The following GALNT15 variants were observed in gnomAD, a reference collection of about 807,000 sequenced individuals.
The protein encoded by GALNT15 is UDP-GalNAc transferase T15.
In GALNT15, 67 loss-of-function variants were observed where a neutral mutation model predicts 66.8. The observed-to-expected ratio is 1.00, with a 90% CI of 0.82 to 1.23. The LOEUF (loss-of-function observed/expected upper bound fraction) is 1.23, where lower values mean the gene tolerates loss of function less well. Among genes scored for constraint, GALNT15 ranks in the 50% most tolerant of loss-of-function variants. The pLI is 0.00. For missense variants in GALNT15, 827 were observed against 804.3 expected (o/e 1.03, Z -0.34); for synonymous variants, 313 against 311.5 (o/e 1.00, Z -0.05).
At position 16,184,374 on chromosome 3, in the gene GALNT15, G is replaced by C. The variant is rs1047219272; in HGVS notation, c.539+8684G>C. On this transcript the variant is annotated intron_variant, in intron 1 of 9. Transcript: ENST00000339732. The surrounding 1 kb of genome is among the most constrained non-coding windows in gnomAD (Gnocchi z 5.0). The stretch of plus-strand genomic sequence containing the variant: ...GCCTTTGCCATGCTCTGCCTCATTG[G>C]TTGGCTCAGCAATGCTATGAATGTC... Among the ~76,000 whole-genome samples the C allele has an allele frequency of 2.6e-5, 4 of 152,166 alleles. No individual in the cohort carries two copies. Among genetic ancestry groups the C allele is most frequent in the African/African-American group, 9.7e-5 (4 of 41,426 alleles).
At chr3:16,178,575 C>G (rs530364736) in intron 1 of GALNT15, among the ~76,000 whole-genome samples, 48 of 152,280 alleles carry the variant, frequency 3.2e-4, no homozygotes, top group African/African-American at 1.0e-3. Flanking sequence ...TGCAGACTCC[C>G]CTCTCCAGTC....
Position 16,176,206 on chromosome 3 carries a change from A to G in GALNT15, c.539+516A>G, listed in dbSNP as rs868761646. ...AGTTTACATTTAGGGGGCTCTTCCC[A>G]TGCGTCTGGATTTACTTTACAAGCT... On this transcript the variant is annotated intron_variant, in intron 1 of 9. Coordinates refer to ENST00000339732, the MANE Select transcript of GALNT15 (RefSeq NM_054110.5). This position sits in a 1 kb window ranked among gnomAD's most constrained non-coding sequence, Gnocchi z 5.6. Among the ~76,000 whole-genome samples, 16 of 152,308 alleles carry G rather than the reference A, an allele frequency of 1.1e-4. No individual in the cohort carries two copies. The South Asian group carries it at 2.1e-3, about 20-fold the overall frequency.
chr3:16,177,049 T>C (rs2063418138), intron 1 of GALNT15, among the ~76,000 whole-genome samples: 1 of 152,202 alleles, frequency 6.6e-6, no homozygotes, highest in African/African-American at 2.4e-5. Context: ...ACCCTGGAGT[T>C]TTAACTCACA....
At chr3:16,196,240 C>T (rs763428775) in intron 2 of GALNT15, among the ~76,000 whole-genome samples, 1 of 152,096 alleles carries the variant, frequency 6.6e-6, no homozygotes, top group Non-Finnish European at 1.5e-5. Flanking sequence ...GTCCAACAAT[C>T]CTCTCTCCAA....
At chr3:16,235,476 A>G (rs542364091), downstream of GALNT15, among the ~76,000 whole-genome samples, 37 of 152,252 alleles carry the variant, frequency 2.4e-4, no homozygotes, top group Non-Finnish European at 4.7e-4. Flanking sequence ...AGTGAAGTGC[A>G]TGATTGCTCT....
At chr3:16,243,514 G>A in the GALNT15 span, among the ~76,000 whole-genome samples, 1 of 152,232 alleles carries the variant, frequency 6.6e-6, no homozygotes, top group Non-Finnish European at 1.5e-5. Flanking sequence ...CCACCCGCCA[G>A]CACCACCAGG....
the GALNT15 span, among the ~76,000 whole-genome samples, chr3:16,247,264 T>C: frequency 6.6e-6 from 1 of 152,264 alleles, no homozygotes; most frequent in Non-Finnish European, 1.5e-5. Flanking sequence ...CAATTTAGAC[T>C]GTGTGCCTAA....
downstream of GALNT15, chr3:16,232,085 A>C: frequency 1.2e-6 from 1 of 859,742 alleles, no homozygotes; most frequent in East Asian, 3.3e-5. Context: ...AGATTATCCA[A>C]AATTCTCCAA....
the GALNT15 span, among the ~76,000 whole-genome samples, chr3:16,247,195 A>G: frequency 1.3e-5 from 2 of 152,140 alleles, no homozygotes; most frequent in East Asian, 3.8e-4. Context: ...CAGCCATGAC[A>G]CAGAAATATG....
chr3:16,211,253 A>G lies in GALNT15; in HGVS notation c.1197+12A>G. ...AACTGTCTTTCAAGGTATGTCCTGG[A>G]CCAAGGGAGGACAGAGGTGGGATCT... On this transcript the variant is annotated intron_variant, in intron 5 of 9. Coordinates refer to ENST00000339732, the MANE Select transcript of GALNT15 (RefSeq NM_054110.5). This position sits in a 1 kb window ranked among gnomAD's most constrained non-coding sequence, Gnocchi z 4.3. 6.5e-7 allele frequency: 1 copy of G among 1,544,992 alleles called. No individual in the cohort carries two copies. Among genetic ancestry groups the G allele is most frequent in the Non-Finnish European group, 9.0e-7 (1 of 1,116,802 alleles).
At chr3:16,215,906 CAAAAAAA>C (rs10611187) in intron 6 of GALNT15, among the ~76,000 whole-genome samples, 3 of 102,624 alleles carry the variant, frequency 2.9e-5, no homozygotes, top group Admixed American at 1.1e-4. Flanking sequence ...GAGACTCCGC[CAAAAAAA>C]AAAAAAAAAA....
At position 16,211,088 on chromosome 3, in the gene GALNT15, C is replaced by G. The variant is rs371337755; in HGVS notation, c.1080-36C>G. The G allele has an allele frequency of 2.0e-6, 3 of 1,507,336 alleles. No homozygotes were observed. The African/African-American group carries it at 4.1e-5, about 21-fold the overall frequency. The allele number at this position is 1,507,336 out of a possible 1,614,324, so 93.4% of individuals were successfully genotyped here. A position where few individuals can be genotyped will look rare whatever the true frequency, so the allele number is the denominator to read the frequency against. ...AGCCTCGCCTGCTGTGCTCTGGGTTCTGAACTGCAGTGTCCTGCCTGTCTT... is the reference window on the plus strand; with the variant it reads ...AGCCTCGCCTGCTGTGCTCTGGGTTGTGAACTGCAGTGTCCTGCCTGTCTT... On this transcript the variant is annotated intron_variant, in intron 4 of 9. Coordinates refer to ENST00000339732, the MANE Select transcript of GALNT15 (RefSeq NM_054110.5). The surrounding 1 kb of genome is among the most constrained non-coding windows in gnomAD (Gnocchi z 4.3).
rs1234990682 is a variant in GALNT15 at position 16,211,329 on chromosome 3, C to T, written c.1197+88C>T. 6 of 850,846 alleles carry T rather than the reference C, an allele frequency of 7.1e-6. No individual in the cohort carries two copies. The African/African-American group carries it at 1.0e-4, about 14-fold the overall frequency. 52.7% of individuals were successfully genotyped at this position (850,846 alleles called of 1,614,324 possible). A position where few individuals can be genotyped will look rare whatever the true frequency, so the allele number is the denominator to read the frequency against. On this transcript the variant is annotated intron_variant, in intron 5 of 9. Coordinates refer to ENST00000339732, the MANE Select transcript of GALNT15 (RefSeq NM_054110.5). The surrounding 1 kb of genome is among the most constrained non-coding windows in gnomAD (Gnocchi z 4.3). ...TCAGAGGCAGGCATTAGAAATGTCA[C>T]TGGGAAGGAATGAGGCTGTGGGAAA...
chr3:16,190,464 C>T (rs530495765), intron 1 of GALNT15, among the ~76,000 whole-genome samples: 15 of 152,166 alleles, frequency 9.9e-5, no homozygotes, highest in African/African-American at 3.6e-4. Flanking sequence ...CGGTGAAACC[C>T]CGTCTCTACT....
chr3:16,217,934 T>C (rs547278162), intron 6 of GALNT15, among the ~76,000 whole-genome samples: 1 of 152,218 alleles, frequency 6.6e-6, no homozygotes, highest in Non-Finnish European at 1.5e-5. Flanking sequence ...CTTGGTTTCA[T>C]GGTGGGTAAA....
chr3:16,200,813 G>T lies in GALNT15; in HGVS notation c.901G>T (p.Ala301Ser), dbSNP rs776794357. ...GCTGGAGCCCCTCCTCAGCAGAATA[G>T]CTGGTGACAGGTAACTTATTCCCTG... ...GWLEPLLSRI[A>S]GDRSRVVSPV... is the part of the protein sequence containing the mutation. Residue 301 changes from alanine (A) to serine (S), a missense_variant, in exon 3 of 10, where the codon GCT becomes TCT. By Grantham distance (99) the Ala-to-Ser change is moderately conservative. Transcript: ENST00000339732. This position sits in a 1 kb window ranked among gnomAD's most constrained non-coding sequence, Gnocchi z 4.4. The T allele has an allele frequency of 6.2e-7, 1 of 1,605,170 alleles. No individual in the cohort carries two copies. Among genetic ancestry groups the T allele is most frequent in the South Asian group, 1.1e-5 (1 of 89,602 alleles).
Position 16,191,271 on chromosome 3 carries a change from C to T in GALNT15, c.540-4489C>T, listed in dbSNP as rs1559678662. ...TTCCTCCTGCTGCGGGAAGGAGCCC[C>T]CAAAGAATCAAGAACACACACTTTC... On this transcript the variant is annotated intron_variant, in intron 1 of 9. Transcript: ENST00000339732. The surrounding 1 kb of genome is among the most constrained non-coding windows in gnomAD (Gnocchi z 5.2). 1.0e-6 allele frequency: 1 copy of T among 957,690 alleles called. No individual in the cohort carries two copies. The highest frequency in any genetic ancestry group is 1.2e-6 in the Non-Finnish European group (1 of 804,646). 59.3% of individuals were successfully genotyped at this position (957,690 alleles called of 1,614,324 possible). A position where few individuals can be genotyped will look rare whatever the true frequency, so the allele number is the denominator to read the frequency against.
intron 2 of GALNT15, among the ~76,000 whole-genome samples, chr3:16,199,456 C>A (rs2063675905): frequency 1.4e-5 from 2 of 142,172 alleles, no homozygotes; most frequent in African/African-American, 2.6e-5. Flanking sequence ...CCAGCACCAC[C>A]AATCTCCTAC....
chr3:16,231,158 G>T (rs1211043185), downstream of GALNT15, among the ~76,000 whole-genome samples: 1 of 130,196 alleles, frequency 7.7e-6, no homozygotes, highest in Non-Finnish European at 1.6e-5. This position sits in a 1 kb window ranked among gnomAD's most constrained non-coding sequence, Gnocchi z 4.1. Flanking sequence ...GGGGGTGGGG[G>T]GCAAGGGAAG....
Sources: gnomAD v4.1 joint callset for allele counts (sites outside exome capture counted in the v4.1 genomes callset) on GRCh38, gnomAD v4.1.1 for gene constraint, Gnocchi (gnomAD v3.1) non-coding constraint, MANE v1.5 for transcripts, NCBI Gene and HGNC (gene_info 2026-07-23, HGNC 2026-07-21) for gene names.